Variants in MTMR7 observed in about 807,000 individuals in gnomAD.
MTMR7 encodes phosphatidylinositol-3-phosphate phosphatase MTMR7.
Under a neutral mutation model 81.2 loss-of-function variants are expected in MTMR7, and 76 were observed. The ratio of observed to expected loss-of-function variants is 0.94; its 90% confidence interval spans 0.78 to 1.13. The LOEUF (loss-of-function observed/expected upper bound fraction) is 1.13, where lower values mean the gene tolerates loss of function less well. Ranked by LOEUF, MTMR7 falls within the 50% of genes most tolerant of loss-of-function variation. The pLI, the probability that MTMR7 is intolerant of heterozygous loss-of-function variation, is 0.00. For missense variants in MTMR7, 1,044 were observed against 820.0 expected (o/e 1.27, Z -3.34); for synonymous variants, 372 against 289.8 (o/e 1.28, Z -2.88).
In MTMR7 at chr8:17,394,022, G is replaced by T. The variant is rs578088688; in HGVS notation, c.24+19247C>A. 7.8e-4 allele frequency among the ~76,000 whole-genome samples: 118 copies of T among 152,212 alleles called. 1 individual carries two copies. The highest frequency in any genetic ancestry group is 2.7e-3 in the African/African-American group (112 of 41,538). On this transcript the variant is annotated intron_variant, in intron 1 of 13. Transcript: ENST00000180173. ...CAAGATACCGCTTCACACCCATTAG[G>T]ATAGCTATAATCAAGAGATAACAAC...
chr8:17,322,601 C>T (rs1225445940), intron 7 of MTMR7, among the ~76,000 whole-genome samples: 1 of 152,166 alleles, frequency 6.6e-6, no homozygotes, highest in Admixed American at 6.5e-5. Flanking sequence ...AGTAGGATTG[C>T]TTGAGCCCAG....
At chr8:17,395,469 C>T (rs1041865839) in intron 1 of MTMR7, among the ~76,000 whole-genome samples, 1 of 152,128 alleles carries the variant, frequency 6.6e-6, no homozygotes, top group African/African-American at 2.4e-5. Context: ...GATAATTCTA[C>T]ATTTAACTTT....
intron 3 of MTMR7, among the ~76,000 whole-genome samples, chr8:17,366,885 C>CAAAAAACAAAAACAA (rs1554515168): frequency 2.3e-5 from 2 of 88,200 alleles, no homozygotes; most frequent in Admixed American, 1.2e-4. Flanking sequence ...GACTCCATCT[C>CAAAAAACAAAAACAA]AAAAAAAAAA....
chr8:17,306,023 C>A, intron 10 of MTMR7, 66 bp from the exon 11 acceptor site: 1 of 1,314,212 alleles, frequency 7.6e-7, no homozygotes. Flanking sequence ...GCCATAAATG[C>A]AAAAACAACC....
At chr8:17,336,317 C>G (rs1158638730) in intron 6 of MTMR7, among the ~76,000 whole-genome samples, 1 of 152,090 alleles carries the variant, frequency 6.6e-6, no homozygotes. Context: ...AACTTCCTTC[C>G]TCAGGCTCCA....
At chr8:17,407,155 TAC>T (rs1821611006) in intron 1 of MTMR7, among the ~76,000 whole-genome samples, 6 of 151,994 alleles carry the variant, frequency 3.9e-5, no homozygotes, top group Admixed American at 3.9e-4. Flanking sequence ...ACACACACTA[TAC>T]ACACACACTA....
At chr8:17,377,287 A>G (rs963183950) in intron 1 of MTMR7, among the ~76,000 whole-genome samples, 2 of 152,098 alleles carry the variant, frequency 1.3e-5, no homozygotes, top group African/African-American at 4.8e-5. Context: ...TCCAATTTTT[A>G]CTAAATCCCA....
intron 3 of MTMR7, among the ~76,000 whole-genome samples, chr8:17,368,630 A>T (rs1355291299): frequency 2.0e-5 from 3 of 152,150 alleles, no homozygotes; most frequent in Admixed American, 2.0e-4. Context: ...TCCAGAGTCA[A>T]AGTCCTGCTT....
At chr8:17,410,998 C>A (rs2150590548) in intron 1 of MTMR7, among the ~76,000 whole-genome samples, 1 of 152,188 alleles carries the variant, frequency 6.6e-6, no homozygotes, top group African/African-American at 2.4e-5. Flanking sequence ...TATAGTTTCA[C>A]CAAGTATAAT....
chr8:17,321,988 T>A (rs2051662), intron 7 of MTMR7, among the ~76,000 whole-genome samples: 59,795 of 151,812 alleles, frequency 0.39, 13,056 homozygotes, highest in East Asian at 0.78. Flanking sequence ...TTTTCTCCTA[T>A]GCAATTGCTG....
At position 17,362,286 on chromosome 8, in the gene MTMR7, T is replaced by A. The variant is rs534872468; in HGVS notation, c.311-1012A>T. Among the ~76,000 whole-genome samples the A allele has an allele frequency of 8.5e-5, 13 of 152,360 alleles. 2 individuals are homozygous for A. The highest frequency in any genetic ancestry group is 3.1e-4 in the African/African-American group (13 of 41,592). On this transcript the variant is annotated intron_variant, in intron 3 of 13. Transcript: ENST00000180173. ...TTTGTGCTGTCTTTGAAATTTCACA[T>A]GTATTTGGCACTTAACCGCATACCT... is the stretch of plus-strand genomic sequence containing the variant.
chr8:17,401,022 T>G (rs1348229660), intron 1 of MTMR7, among the ~76,000 whole-genome samples: 1 of 152,278 alleles, frequency 6.6e-6, no homozygotes, highest in East Asian at 1.9e-4. Context: ...ATAATCCATA[T>G]TCATTCATTC....
rs779039337 is a variant in MTMR7 at position 17,305,976 on chromosome 8, G to C, written c.1152-19C>G. 35 of 1,582,558 alleles carry C rather than the reference G, an allele frequency of 2.2e-5. No homozygotes were observed. Among genetic ancestry groups the C allele is most frequent in the Non-Finnish European group, 2.9e-5 (34 of 1,159,754 alleles). The stretch of plus-strand genomic sequence containing the variant: ...GCCATATCTATAAAACAAAGCATTA[G>C]AGACTTTTTAAGGCAGATTTATTTT... On this transcript the variant is annotated intron_variant, in intron 10 of 13. Transcript: ENST00000180173.
chr8:17,319,700 A>C (rs1328339142), intron 7 of MTMR7, among the ~76,000 whole-genome samples: 7 of 152,218 alleles, frequency 4.6e-5, no homozygotes, highest in Non-Finnish European at 1.0e-4. Context: ...AAACCAATGC[A>C]AACAGAGGCT....
chr8:17,320,327 A>G (rs941134691), intron 7 of MTMR7, among the ~76,000 whole-genome samples: 2 of 152,178 alleles, frequency 1.3e-5, no homozygotes, highest in African/African-American at 2.4e-5. Flanking sequence ...CCTCTAAAAT[A>G]AAATATGAAA....
intron 6 of MTMR7, among the ~76,000 whole-genome samples, chr8:17,336,827 T>TC (rs1554511082): frequency 6.6e-6 from 1 of 152,128 alleles, no homozygotes; most frequent in Non-Finnish European, 1.5e-5. Flanking sequence ...TCAGAGGTGG[T>TC]AACCCCACAG....
At chr8:17,372,954 T>C (rs1585101170) in intron 2 of MTMR7, 164 bp downstream of exon 2, 1 of 715,934 alleles carries the variant, frequency 1.4e-6, no homozygotes, top group Non-Finnish European at 2.2e-6. Flanking sequence ...ATCAAGTAGA[T>C]ACGACTGCAC....
At chr8:17,318,305 C>A (rs1818204436) in intron 7 of MTMR7, among the ~76,000 whole-genome samples, 1 of 152,100 alleles carries the variant, frequency 6.6e-6, no homozygotes, top group South Asian at 2.1e-4. Context: ...TGCTTAGGAG[C>A]AGCGCTTCCA....
rs368498758 is a variant in MTMR7, at chr8:17,299,895, C to G, written c.1950G>C (p.Arg650=). 2.5e-5 allele frequency: 40 copies of G among 1,613,978 alleles called. No homozygotes were observed. Among genetic ancestry groups the G allele is most frequent in the Non-Finnish European group, 3.1e-5 (36 of 1,179,998 alleles). Residue 650 remains arginine (R), a synonymous_variant, in exon 14 of 14, where the codon CGG becomes CGC. Coordinates refer to ENST00000180173, the MANE Select transcript of MTMR7 (RefSeq NM_004686.5). Reference sequence around the variant, plus strand: ...TGAGAAACACGGCTTCATCAGAATCCCGGTCCTTGCCACTATCTTCACTCG... The same window carrying G: ...TGAGAAACACGGCTTCATCAGAATCGCGGTCCTTGCCACTATCTTCACTCG... ...HAPSEDSGKD[R]DSDEAVFLTA
Sources: gnomAD v4.1 joint callset for allele counts (sites outside exome capture counted in the v4.1 genomes callset) on GRCh38, gnomAD v4.1.1 for gene constraint, MANE v1.5 for transcripts, NCBI Gene and HGNC (gene_info 2026-07-23, HGNC 2026-07-21) for gene names.